ACACA: variants seen among roughly 807,000 people sequenced by gnomAD.
ACACA encodes the protein acetyl-CoA carboxylase alpha.
Under a neutral mutation model 296.1 loss-of-function variants are expected in ACACA, and 103 were observed. That is an observed-to-expected ratio of 0.35 (90% confidence interval 0.30 to 0.41). ACACA has a LOEUF of 0.41. Ranked by LOEUF, ACACA falls within the 10% of genes least tolerant of loss-of-function variation. The pLI is 1.00. For synonymous variants in ACACA, 953 were observed against 1,038.6 expected (o/e 0.92, Z 1.58); for missense variants, 1,554 against 2,989.7 (o/e 0.52, Z 11.20).
At chr17:37,240,445 T>G in intron 24 of ACACA, 31 bp downstream of exon 24, 1 of 1,603,016 alleles carries the variant, frequency 6.2e-7, no homozygotes, top group Non-Finnish European at 8.5e-7. Context: ...CAAGGCTTTC[T>G]TAGCTAGAGA....
At chr17:37,251,156 G>C in intron 16 of ACACA, among the ~76,000 whole-genome samples, 1 of 152,170 alleles carries the variant, frequency 6.6e-6, no homozygotes, top group East Asian at 1.9e-4. Flanking sequence ...TATTTAACTA[G>C]GTTACAGATT....
chr17:37,319,937 T>A (rs1249895844), intron 3 of ACACA, among the ~76,000 whole-genome samples: 1 of 149,652 alleles, frequency 6.7e-6, no homozygotes, highest in Admixed American at 6.7e-5. Context: ...GGCAACAGAG[T>A]GAGACTCCAT....
Position 37,392,892 on chromosome 17 carries a change from C to T in ACACA, c.38+13370G>A, listed in dbSNP as rs546631550. ...GCATGGTGGCTCACGCCTGTAATCCCAGCACTTTGGGAGGCCAAGGTGGGT... is the reference window on the plus strand; with the variant it reads ...GCATGGTGGCTCACGCCTGTAATCCTAGCACTTTGGGAGGCCAAGGTGGGT... On this transcript the variant is annotated intron_variant, in intron 1 of 55. Transcript: ENST00000616317. Among the ~76,000 whole-genome samples the T allele has an allele frequency of 3.3e-5, 5 of 152,066 alleles. No homozygotes were observed. In the South Asian group the frequency reaches 1.0e-3, roughly 32 times the overall value.
At chr17:37,150,030 A>C in intron 44 of ACACA, 56 bp from the exon 45 acceptor site, 1 of 1,486,484 alleles carries the variant, frequency 6.7e-7, no homozygotes, top group Non-Finnish European at 9.4e-7. Context: ...TGAAGCTATA[A>C]GAACTAAGGC....
chr17:37,338,715 G>A (rs1331882656), intron 2 of ACACA, among the ~76,000 whole-genome samples: 3 of 151,990 alleles, frequency 2.0e-5, no homozygotes, highest in Admixed American at 6.6e-5. Flanking sequence ...AAGGTGAGCG[G>A]ATCACCTGAG....
At chr17:37,298,175 T>C (rs1364106046) in intron 3 of ACACA, among the ~76,000 whole-genome samples, 1 of 152,006 alleles carries the variant, frequency 6.6e-6, no homozygotes, top group Non-Finnish European at 1.5e-5. Flanking sequence ...TTTTGCTTGG[T>C]TATCCCCTCA....
At chr17:37,395,722 T>C (rs1389165688) in intron 1 of ACACA, among the ~76,000 whole-genome samples, 1 of 152,066 alleles carries the variant, frequency 6.6e-6, no homozygotes, top group Non-Finnish European at 1.5e-5. Flanking sequence ...TTTGTATTTT[T>C]AGTAGAGACG....
intron 10 of ACACA, among the ~76,000 whole-genome samples, chr17:37,267,722 T>C: frequency 6.6e-6 from 1 of 151,786 alleles, no homozygotes; most frequent in East Asian, 1.9e-4. Context: ...GCATCTAATA[T>C]GCTATAATTT....
chr17:37,316,024 A>G (rs2047068750), intron 3 of ACACA, among the ~76,000 whole-genome samples: 1 of 152,074 alleles, frequency 6.6e-6, no homozygotes, highest in Non-Finnish European at 1.5e-5. Context: ...CAGTCATCTC[A>G]TTATCATAAA....
chr17:37,150,897 T>G (rs185365385), intron 44 of ACACA, among the ~76,000 whole-genome samples: 1 of 151,422 alleles, frequency 6.6e-6, no homozygotes, highest in Non-Finnish European at 1.5e-5. Flanking sequence ...ATTAAAAATA[T>G]GAAAATTAGC....
At chr17:37,089,518 A>G (rs1186221372) in intron 54 of ACACA, among the ~76,000 whole-genome samples, 2 of 152,234 alleles carry the variant, frequency 1.3e-5, no homozygotes, top group Non-Finnish European at 2.9e-5. Flanking sequence ...TGCCTAAAGT[A>G]TAAGTCTCTA....
In ACACA at chr17:37,125,683, CAA is replaced by C; in HGVS notation, c.6041+13_6041+14del. On this transcript the variant is annotated intron_variant, in intron 48 of 55. Transcript: ENST00000616317. ...TTGGGAGGAAAAAGAGCTGCCAAAA[CAA>C]AAGAGCTCTTACCTGGCTCTACCAA... 1 of 1,604,880 alleles carries C rather than the reference CAA, an allele frequency of 6.2e-7. No homozygotes were observed. The highest frequency in any genetic ancestry group is 8.5e-7 in the Non-Finnish European group (1 of 1,171,988).
At chr17:37,263,471 A>T (rs1320415253) in intron 11 of ACACA, among the ~76,000 whole-genome samples, 1 of 152,194 alleles carries the variant, frequency 6.6e-6, no homozygotes, top group African/African-American at 2.4e-5. Context: ...GATTTTTTTT[A>T]GAAAGCGTTA....
intron 54 of ACACA, among the ~76,000 whole-genome samples, chr17:37,096,504 A>T (rs901353367): frequency 1.3e-5 from 2 of 152,138 alleles, no homozygotes; most frequent in Non-Finnish European, 2.9e-5. Context: ...TTTGTTTTCC[A>T]GCCTCTCCTG....
At chr17:37,116,074 C>A (rs1382001168) in intron 50 of ACACA, among the ~76,000 whole-genome samples, 1 of 152,072 alleles carries the variant, frequency 6.6e-6, no homozygotes, top group African/African-American at 2.4e-5. Flanking sequence ...CTGACTGCAA[C>A]CTCTGCCTCC....
At position 37,204,273 on chromosome 17, in the gene ACACA, C is replaced by T. The variant is rs111466152; in HGVS notation, c.4056+1492G>A. Among the ~76,000 whole-genome samples, 367 of 152,294 alleles carry T rather than the reference C, an allele frequency of 2.4e-3. 2 individuals are homozygous for T. The highest frequency in any genetic ancestry group is 7.9e-3 in the African/African-American group (328 of 41,554). ...GATTATTGTTTTAAGCATGCCTATC[C>T]TGTCCCCTCAACTAGACTATAAGCA... On this transcript the variant is annotated intron_variant, in intron 33 of 55. Coordinates refer to ENST00000616317, the MANE Select transcript of ACACA (RefSeq NM_198834.3).
rs777710816 is a variant in ACACA, at chr17:37,097,087, T to G, written c.6800A>C (p.Lys2267Thr). 3 of 1,614,186 alleles carry G rather than the reference T, an allele frequency of 1.9e-6. No homozygotes were observed. In the South Asian group the frequency reaches 3.3e-5, roughly 18 times the overall value. ...RRLLLEDLVKKKIHNANPELT... is the reference protein window; with the variant it reads ...RRLLLEDLVKTKIHNANPELT... Reference sequence around the variant, plus strand: ...CTCAGGGTTGGCATTGTGGATTTTCTTCTTGACCAGGTCCTCCAGCAGAAG... The same window carrying G: ...CTCAGGGTTGGCATTGTGGATTTTCGTCTTGACCAGGTCCTCCAGCAGAAG... The change falls in exon 54 of 56, where the codon AAG becomes ACG. Residue 2267 changes from lysine (K) to threonine (T), a missense_variant. By Grantham distance (78) the Lys-to-Thr change is moderately conservative. Coordinates refer to ENST00000616317, the MANE Select transcript of ACACA (RefSeq NM_198834.3). This position sits in a 1 kb window ranked among gnomAD's most constrained non-coding sequence, Gnocchi z 4.8.
At chr17:37,297,239 C>T (rs1029367414) in intron 3 of ACACA, among the ~76,000 whole-genome samples, 1 of 150,836 alleles carries the variant, frequency 6.6e-6, no homozygotes, top group Non-Finnish European at 1.5e-5. Flanking sequence ...GTCGAGAGTT[C>T]GAGACCAGTC....
At chr17:37,091,276 G>A (rs9895998) in intron 54 of ACACA, among the ~76,000 whole-genome samples, 1 of 151,946 alleles carries the variant, frequency 6.6e-6, no homozygotes, top group Non-Finnish European at 1.5e-5. Flanking sequence ...CAGGATTAGG[G>A]CAACGCATTC....
Sources: gnomAD v4.1 joint callset for allele counts (sites outside exome capture counted in the v4.1 genomes callset) on GRCh38, gnomAD v4.1.1 for gene constraint, Gnocchi (gnomAD v3.1) non-coding constraint, MANE v1.5 for transcripts, NCBI Gene and HGNC (gene_info 2026-07-23, HGNC 2026-07-21) for gene names.